Variants in RBFOX3 observed in about 807,000 individuals in gnomAD.
The protein encoded by RBFOX3 is RNA binding fox-1 homolog 3.
RBFOX3 carries 17 observed loss-of-function variants against 48.7 expected under a neutral mutation model. The observed-to-expected ratio is 0.35, with a 90% CI of 0.24 to 0.52. RBFOX3 has a LOEUF of 0.52. Among genes scored for constraint, RBFOX3 ranks in the 20% least tolerant of loss-of-function variants. RBFOX3 has a pLI of 0.94. For missense variants in RBFOX3, 382 were observed against 497.5 expected, an observed-to-expected ratio of 0.77 and a Z score of 2.21; for synonymous variants, 212 against 209.5, an observed-to-expected ratio of 1.01 and a Z score of -0.10.
At chr17:79,332,986 CAGAG>C (rs1225823476) in intron 2 of RBFOX3, among the ~76,000 whole-genome samples, 1 of 112,194 alleles carries the variant, frequency 8.9e-6, no homozygotes, top group East Asian at 2.6e-4. Context: ...GGTAGAGAGA[CAGAG>C]AGAGAGAAAC....
chr17:79,210,406 T>C (rs1443097512), intron 4 of RBFOX3, among the ~76,000 whole-genome samples: 1 of 152,188 alleles, frequency 6.6e-6, no homozygotes, highest in Non-Finnish European at 1.5e-5. Context: ...CTTGATGATA[T>C]ACAGAGACGG....
rs1215476485 is a variant in RBFOX3, at chr17:79,479,288, C to T, written c.-175+3166G>A. On this transcript the variant is annotated intron_variant, in intron 2 of 14. Transcript: ENST00000693108. The surrounding 1 kb of genome is among the most constrained non-coding windows in gnomAD (Gnocchi z 5.1). Reference sequence around the variant, plus strand: ...AGGCTGCAGGGAGAACCCAGGAGCTCGCGGGGCAGGAGGGTGTCTACAGGC... The same window carrying T: ...AGGCTGCAGGGAGAACCCAGGAGCTTGCGGGGCAGGAGGGTGTCTACAGGC... Among the ~76,000 whole-genome samples the T allele has an allele frequency of 6.6e-6, 1 of 152,166 alleles. No homozygotes were observed. Among genetic ancestry groups the T allele is most frequent in the Non-Finnish European group, 1.5e-5 (1 of 68,032 alleles).
chr17:79,322,507 A>G (rs1211631003), intron 2 of RBFOX3, among the ~76,000 whole-genome samples: 1 of 152,202 alleles, frequency 6.6e-6, no homozygotes. Context: ...TTGGGCTAGT[A>G]GATTGCAGAG....
At chr17:79,295,528 C>T (rs1028526915) in intron 3 of RBFOX3, among the ~76,000 whole-genome samples, 37 of 152,300 alleles carry the variant, frequency 2.4e-4, no homozygotes, top group African/African-American at 8.7e-4. Context: ...TTCCCACAGA[C>T]AGCCTGGGAT....
chr17:79,588,646 C>G (rs2093325978), intron 1 of RBFOX3, among the ~76,000 whole-genome samples: 1 of 152,200 alleles, frequency 6.6e-6, no homozygotes, highest in Non-Finnish European at 1.5e-5. Context: ...ACAGCCCTCC[C>G]CCAAGAGACC....
chr17:79,586,650 A>G (rs1373658127), intron 1 of RBFOX3, among the ~76,000 whole-genome samples: 1 of 152,130 alleles, frequency 6.6e-6, no homozygotes, highest in Non-Finnish European at 1.5e-5. Flanking sequence ...ACTTGGTGAG[A>G]TCTTCCGTTT....
In RBFOX3 at chr17:79,444,323, G is replaced by A. The variant is rs188976870; in HGVS notation, c.-175+38131C>T. On this transcript the variant is annotated intron_variant, in intron 2 of 14. Coordinates refer to ENST00000693108, the MANE Select transcript of RBFOX3 (RefSeq NM_001350451.2). ...GACCCACCCCTCTTATGGCCTGTGC[G>A]TCTGGCTCAGGTCCACTCTCAGGCA... 2.4e-4 allele frequency among the ~76,000 whole-genome samples: 36 copies of A among 152,152 alleles called. 1 individual carries two copies. Among genetic ancestry groups the A allele is most frequent in the Non-Finnish European group, 3.5e-4 (24 of 68,004 alleles).
intron 3 of RBFOX3, among the ~76,000 whole-genome samples, chr17:79,303,194 C>T (rs1039296180): frequency 6.6e-6 from 1 of 152,138 alleles, no homozygotes; most frequent in Non-Finnish European, 1.5e-5. Flanking sequence ...TGTGACAGAA[C>T]AAGACCTTGT....
intron 5 of RBFOX3, 135 bp downstream of exon 5, chr17:79,115,359 C>A (rs772520598): frequency 8.4e-6 from 4 of 478,956 alleles, no homozygotes; most frequent in African/African-American, 6.0e-5. Flanking sequence ...AAAGGCCTGC[C>A]CTCCACACAC....
intron 3 of RBFOX3, among the ~76,000 whole-genome samples, chr17:79,273,333 A>G (rs58983203): frequency 0.034 from 5,207 of 152,284 alleles, 284 homozygotes; most frequent in African/African-American, 0.12. Flanking sequence ...CAAAGTCTGT[A>G]TTCAGAGCAA....
rs1200436980 is a variant in RBFOX3, at chr17:79,255,199, G to C, written c.-73-19394C>G. ...CTCCAGGACAGAGAATGGGAGCTGA[G>C]TGGCCCTGTGGTCACATGTGTGCGT... On this transcript the variant is annotated intron_variant, in intron 3 of 14. Coordinates refer to ENST00000693108, the MANE Select transcript of RBFOX3 (RefSeq NM_001350451.2). 2.6e-5 allele frequency among the ~76,000 whole-genome samples: 4 copies of C among 151,302 alleles called. No homozygotes were observed. In the South Asian group the frequency reaches 8.5e-4, roughly 32 times the overall value.
intron 2 of RBFOX3, among the ~76,000 whole-genome samples, chr17:79,430,591 G>A (rs868915032): frequency 9.2e-5 from 14 of 152,322 alleles, no homozygotes; most frequent in Middle Eastern, 3.4e-3. Flanking sequence ...GTGTCACCCA[G>A]GTGGAGTACA....
intron 2 of RBFOX3, among the ~76,000 whole-genome samples, chr17:79,435,189 C>T (rs1209969550): frequency 6.6e-6 from 1 of 152,164 alleles, no homozygotes; most frequent in Non-Finnish European, 1.5e-5. Flanking sequence ...GTGCCCTCTG[C>T]CTCTGGCCTG....
intron 3 of RBFOX3, among the ~76,000 whole-genome samples, chr17:79,255,167 G>A (rs2064574318): frequency 6.6e-6 from 1 of 152,042 alleles, no homozygotes; most frequent in South Asian, 2.1e-4. Context: ...AGCCAGTCTG[G>A]TGCTGCCTCC....
At chr17:79,507,096 G>A (rs1466556885) in intron 1 of RBFOX3, among the ~76,000 whole-genome samples, 1 of 152,146 alleles carries the variant, frequency 6.6e-6, no homozygotes, top group Non-Finnish European at 1.5e-5. Context: ...CCTGGCCGGA[G>A]GGCCTGGTGG....
chr17:79,345,235 T>C (rs758584448), intron 2 of RBFOX3, among the ~76,000 whole-genome samples: 1 of 152,240 alleles, frequency 6.6e-6, no homozygotes, highest in African/African-American at 2.4e-5. Context: ...TTTACCTAAA[T>C]TGTGACATTT....
At chr17:79,380,695 G>A (rs1295150018) in intron 2 of RBFOX3, among the ~76,000 whole-genome samples, 2 of 152,206 alleles carry the variant, frequency 1.3e-5, no homozygotes, top group Non-Finnish European at 2.9e-5. Context: ...GAGCATTTTG[G>A]ATGCATTTGG....
the RBFOX3 span, among the ~76,000 whole-genome samples, chr17:79,642,842 T>C: frequency 6.6e-6 from 1 of 152,182 alleles, no homozygotes; most frequent in Non-Finnish European, 1.5e-5. Flanking sequence ...GACTAAATCT[T>C]TCAGTTAAAA....
Position 79,391,625 on chromosome 17 carries a change from G to A in RBFOX3, c.-174-83801C>T, listed in dbSNP as rs1218469915. The stretch of plus-strand genomic sequence containing the variant: ...TAGGAATGAAGAAATGAGGCCCAGT[G>A]AGGTACATGTACACGTGCACATGTG... On this transcript the variant is annotated intron_variant, in intron 2 of 14. Transcript: ENST00000693108. This position sits in a 1 kb window ranked among gnomAD's most constrained non-coding sequence, Gnocchi z 5.0. Among the ~76,000 whole-genome samples, 1 of 152,218 alleles carries A rather than the reference G, an allele frequency of 6.6e-6. No individual in the cohort carries two copies. The highest frequency in any genetic ancestry group is 1.5e-5 in the Non-Finnish European group (1 of 68,040).
Sources: gnomAD v4.1 joint callset for allele counts (sites outside exome capture counted in the v4.1 genomes callset) on GRCh38, gnomAD v4.1.1 for gene constraint, Gnocchi (gnomAD v3.1) non-coding constraint, MANE v1.5 for transcripts, NCBI Gene and HGNC (gene_info 2026-07-23, HGNC 2026-07-21) for gene names.